Variants in ZDHHC14 observed in about 807,000 individuals in gnomAD.
ZDHHC14 encodes the protein zDHHC palmitoyltransferase 14.
ZDHHC14 carries 16 observed loss-of-function variants against 47.7 expected under a neutral mutation model. That is an observed-to-expected ratio of 0.34 (90% confidence interval 0.23 to 0.51). ZDHHC14 has a LOEUF of 0.51. Ranked by LOEUF, ZDHHC14 falls within the 20% of genes least tolerant of loss-of-function variation. The pLI is 0.97. For synonymous variants in ZDHHC14, 293 were observed against 278.9 expected, an observed-to-expected ratio of 1.05 and a Z score of -0.50; for missense variants, 515 against 662.5, an observed-to-expected ratio of 0.78 and a Z score of 2.44.
intron 3 of ZDHHC14, among the ~76,000 whole-genome samples, chr6:157,626,938 A>C (rs146506991): frequency 3.3e-5 from 5 of 151,044 alleles, no homozygotes; most frequent in Non-Finnish European, 7.4e-5. Flanking sequence ...TGTAACTCAC[A>C]TGGGTAGGCT....
At chr6:157,402,701 TAATATTCTC>T (rs1383650583) in intron 1 of ZDHHC14, among the ~76,000 whole-genome samples, 1 of 152,164 alleles carries the variant, frequency 6.6e-6, no homozygotes, top group Non-Finnish European at 1.5e-5. Flanking sequence ...TTGAAGATAT[TAATATTCTC>T]AGACTGGCGA....
intron 8 of ZDHHC14, among the ~76,000 whole-genome samples, chr6:157,664,217 A>C (rs549895565): frequency 1.4e-3 from 218 of 152,248 alleles, no homozygotes; most frequent in Non-Finnish European, 2.4e-3. Context: ...CTTCATGTTC[A>C]CTGATTCTTC....
intron 1 of ZDHHC14, among the ~76,000 whole-genome samples, chr6:157,409,953 C>T (rs556685776): frequency 7.2e-5 from 11 of 152,180 alleles, no homozygotes; most frequent in Admixed American, 1.3e-4. Context: ...CTCAGCCTCC[C>T]GAGTAGCTGG....
chr6:157,418,656 A>G (rs2024876), intron 1 of ZDHHC14, among the ~76,000 whole-genome samples: 131,941 of 152,198 alleles, frequency 0.87, 57,360 homozygotes, highest in Middle Eastern at 0.95. Flanking sequence ...CGAGTGTGCC[A>G]TTTTCCTACA....
At chr6:157,475,355 T>C (rs572079488) in intron 1 of ZDHHC14, among the ~76,000 whole-genome samples, 14 of 152,308 alleles carry the variant, frequency 9.2e-5, no homozygotes, top group African/African-American at 3.4e-4. Context: ...ATTTGGGATC[T>C]TTTGTGGTTC....
chr6:157,535,101 A>T (rs1186833325), intron 1 of ZDHHC14, among the ~76,000 whole-genome samples: 1 of 152,150 alleles, frequency 6.6e-6, no homozygotes, highest in Admixed American at 6.5e-5. Flanking sequence ...GTTAAGAGTA[A>T]GGACACTAAC....
intron 1 of ZDHHC14, among the ~76,000 whole-genome samples, chr6:157,511,089 C>T (rs1267044555): frequency 6.6e-6 from 1 of 152,226 alleles, no homozygotes; most frequent in Non-Finnish European, 1.5e-5. Context: ...CCTTAGTAGG[C>T]ATCTTCTCCG....
At position 157,430,335 on chromosome 6, in the gene ZDHHC14, A is replaced by G. The variant is rs567627664; in HGVS notation, c.245+48069A>G. On this transcript the variant is annotated intron_variant, in intron 1 of 8. Coordinates refer to ENST00000359775, the MANE Select transcript of ZDHHC14 (RefSeq NM_024630.3). ...GTAAAAAAAAAAAAAAAAAAAAAGC[A>G]TACATTTATTGTATTACAGTTTTGG... 4.0e-4 allele frequency among the ~76,000 whole-genome samples: 60 copies of G among 150,094 alleles called. 1 individual carries two copies. Among genetic ancestry groups the G allele is most frequent in the Non-Finnish European group, 6.7e-4 (45 of 67,616 alleles).
At chr6:157,665,340 C>T (rs1217338560) in intron 8 of ZDHHC14, among the ~76,000 whole-genome samples, 1 of 152,140 alleles carries the variant, frequency 6.6e-6, no homozygotes, top group Non-Finnish European at 1.5e-5. Flanking sequence ...CAACAATAAA[C>T]ACTGAGTTAG....
intron 1 of ZDHHC14, among the ~76,000 whole-genome samples, chr6:157,487,374 C>G (rs1465169337): frequency 1.3e-5 from 2 of 152,176 alleles, no homozygotes; most frequent in African/African-American, 2.4e-5. Flanking sequence ...TTTGGAGTCT[C>G]ACTGACCTGG....
In ZDHHC14 at chr6:157,593,095, A is replaced by G; in HGVS notation, c.514A>G (p.Ile172Val). ...ACTTAAATACTGTTTCACCTGCAAG[A>G]TTTTCCGGCCCCCTCGCGCCTCCCA... The part of the protein sequence containing the change: ...VKLKYCFTCK[I>V]FRPPRASHCS... Residue 172 changes from isoleucine to valine, a missense_variant, in exon 3 of 9, where the codon ATT becomes GTT. Physicochemically the swap from Ile to Val is conservative, Grantham distance 29. Transcript: ENST00000359775. The G allele has an allele frequency of 6.2e-7, 1 of 1,614,064 alleles. No individual in the cohort carries two copies. The highest frequency in any genetic ancestry group is 8.5e-7 in the Non-Finnish European group (1 of 1,179,974).
At chr6:157,590,417 C>CA (rs533986961) in intron 2 of ZDHHC14, among the ~76,000 whole-genome samples, 66 of 152,314 alleles carry the variant, frequency 4.3e-4, no homozygotes, top group African/African-American at 1.5e-3. Flanking sequence ...CTAACCCAGC[C>CA]ACTCCAGCCA....
chr6:157,409,865 G>C (rs1287198633), intron 1 of ZDHHC14, among the ~76,000 whole-genome samples: 1 of 151,450 alleles, frequency 6.6e-6, no homozygotes, highest in Non-Finnish European at 1.5e-5. Context: ...GTCTTCTTCT[G>C]TCACCCAGAC....
intron 1 of ZDHHC14, among the ~76,000 whole-genome samples, chr6:157,389,098 A>G (rs1371981019): frequency 6.6e-6 from 1 of 151,964 alleles, no homozygotes; most frequent in Non-Finnish European, 1.5e-5. Flanking sequence ...TTAACATAAG[A>G]TAGCATCATA....
intron 1 of ZDHHC14, among the ~76,000 whole-genome samples, chr6:157,453,788 T>TTTTTTTTGTGTGTGTGTGTGTGTGTGTG (rs3220439): frequency 7.9e-4 from 117 of 148,090 alleles, no homozygotes; most frequent in African/African-American, 2.6e-3. Context: ...TTTTTGTGTT[T>TTTTTTTTGTGTGTGTGTGTGTGTGTGTG]TGTGTGTGTG....
At chr6:157,403,340 G>C (rs1410448210) in intron 1 of ZDHHC14, among the ~76,000 whole-genome samples, 1 of 152,184 alleles carries the variant, frequency 6.6e-6, no homozygotes, top group Non-Finnish European at 1.5e-5. Context: ...CATATATTTT[G>C]TGAAATTTGT....
chr6:157,576,262 A>C (rs1391437255), intron 2 of ZDHHC14, among the ~76,000 whole-genome samples: 2 of 152,256 alleles, frequency 1.3e-5, no homozygotes, highest in East Asian at 3.8e-4. Flanking sequence ...GAATTCATAA[A>C]GAAAAAGCTG....
At chr6:157,564,511 C>A (rs1415124363) in intron 2 of ZDHHC14, among the ~76,000 whole-genome samples, 1 of 152,218 alleles carries the variant, frequency 6.6e-6, no homozygotes, top group Non-Finnish European at 1.5e-5. Flanking sequence ...AAACTCAGTT[C>A]AACCCAATAC....
At chr6:157,558,935 T>C (rs113779183) in intron 2 of ZDHHC14, among the ~76,000 whole-genome samples, 2,678 of 151,594 alleles carry the variant, frequency 0.018, 74 homozygotes, top group African/African-American at 0.06. Context: ...GGAGGGTGGA[T>C]TTCCCCCCAG....
Sources: gnomAD v4.1 joint callset for allele counts (sites outside exome capture counted in the v4.1 genomes callset) on GRCh38, gnomAD v4.1.1 for gene constraint, MANE v1.5 for transcripts, NCBI Gene and HGNC (gene_info 2026-07-23, HGNC 2026-07-21) for gene names.